Variants in BBS2 observed in about 807,000 individuals in gnomAD.
The protein encoded by BBS2 is Bardet-Biedl syndrome 2.
BBS2 carries 62 observed loss-of-function variants against 83.0 expected under a neutral mutation model. The ratio of observed to expected loss-of-function variants is 0.75; its 90% CI spans 0.61 to 0.92. The LOEUF (loss-of-function observed/expected upper bound fraction) is 0.92. Among genes scored for constraint, BBS2 ranks in the 40% least tolerant of loss-of-function variants. The pLI, the probability that BBS2 is intolerant of heterozygous loss-of-function variation, is 0.00. For missense variants in BBS2, 784 were observed against 901.0 expected (o/e 0.87, Z 1.66); for synonymous variants, 303 against 326.1 (o/e 0.93, Z 0.76).
chr16:56,497,047 G>T lies in BBS2; in HGVS notation c.1830C>A (p.Leu610=). The change falls in exon 15 of 17, where the codon CTC becomes CTA. Residue 610 remains leucine (L), a synonymous_variant. Coordinates refer to ENST00000245157, the MANE Select transcript of BBS2 (RefSeq NM_031885.5). ...VDEYHSVHQK[L]SADMADHSNL... Reference sequence around the variant, plus strand: ...TAGAATGATCAGCCATATCAGCACTGAGCTTCTGATGCACTGAATGATATT... The same window carrying T: ...TAGAATGATCAGCCATATCAGCACTTAGCTTCTGATGCACTGAATGATATT... 1 of 1,613,976 alleles carries T rather than the reference G, an allele frequency of 6.2e-7. No individual in the cohort carries two copies. The highest frequency in any genetic ancestry group is 8.5e-7 in the Non-Finnish European group (1 of 1,179,878).
At chr16:56,500,631 A>G (rs1964242850) in intron 11 of BBS2, 2 of 516,606 alleles carry the variant, frequency 3.9e-6, no homozygotes, top group Middle Eastern at 5.4e-4. Flanking sequence ...TCTCAAAAAA[A>G]AAAAAAAAAA....
At position 56,485,675 on chromosome 16, in the gene BBS2, A is replaced by G. The variant is rs895581773; in HGVS notation, c.1974T>C (p.Tyr658=). 1.2e-6 allele frequency: 2 copies of G among 1,614,014 alleles called. No homozygotes were observed. Among genetic ancestry groups the G allele is most frequent in the Non-Finnish European group, 1.7e-6 (2 of 1,179,874 alleles). ...YDLNRDLLNG[Y]KIRCNNHTEL... is the part of the protein sequence containing the mutation. ...CTGTGTGATTGTTACAGCGAATTTT[A>G]TATCCATTTAGCAAGTCTCTATTAA... is the stretch of plus-strand genomic sequence containing the variant. The change falls in exon 16 of 17, where the codon TAT becomes TAC. Residue 658 remains tyrosine (Y), a synonymous_variant. Coordinates refer to ENST00000245157, the MANE Select transcript of BBS2 (RefSeq NM_031885.5).
chr16:56,491,746 A>AAC (rs1963958205), intron 15 of BBS2, among the ~76,000 whole-genome samples: 1 of 148,122 alleles, frequency 6.8e-6, no homozygotes, highest in African/African-American at 2.5e-5. Context: ...AAAAAAAAAA[A>AAC]CACTAGTAAT....
intron 5 of BBS2, among the ~76,000 whole-genome samples, chr16:56,508,344 G>C (rs1327327248): frequency 1.3e-5 from 2 of 152,170 alleles, no homozygotes; most frequent in African/African-American, 4.8e-5. Context: ...TTCTGATACA[G>C]ACTCCTAAAT....
chr16:56,518,007 G>C (rs1478300693), intron 1 of BBS2, among the ~76,000 whole-genome samples: 3 of 152,024 alleles, frequency 2.0e-5, no homozygotes, highest in African/African-American at 7.3e-5. Flanking sequence ...AGTAGAGACA[G>C]GGTTTCACCA....
intron 15 of BBS2, among the ~76,000 whole-genome samples, chr16:56,488,541 G>A (rs775529920): frequency 4.6e-5 from 7 of 152,196 alleles, no homozygotes; most frequent in African/African-American, 1.2e-4. Context: ...TAGGGAAGGC[G>A]CTTGGAGCTT....
chr16:56,470,696 C>T lies in BBS2; in HGVS notation c.*1-1G>A. The stretch of plus-strand genomic sequence containing the variant: ...GAAGAAGGGACTAGCCATAGTCCTC[C>T]TGAGCCAGAGAATAATCAGATGGCC... On this transcript the variant is annotated splice_acceptor_variant, in intron 17 of 17. Transcript: ENST00000682047. LOFTEE classifies it low-confidence loss of function (3UTR_SPLICE). 1 of 1,614,122 alleles carries T rather than the reference C, an allele frequency of 6.2e-7. No homozygotes were observed. Among genetic ancestry groups the T allele is most frequent in the Non-Finnish European group, 8.5e-7 (1 of 1,180,000 alleles).
At chr16:56,490,642 AAAAT>A (rs1300185955) in intron 15 of BBS2, among the ~76,000 whole-genome samples, 4 of 152,130 alleles carry the variant, frequency 2.6e-5, no homozygotes, top group African/African-American at 7.2e-5. Flanking sequence ...CTCTGTCTCA[AAAAT>A]AAATAAATAA....
At chr16:56,473,369 A>G (rs1040515323) in intron 17 of BBS2, among the ~76,000 whole-genome samples, 6 of 152,234 alleles carry the variant, frequency 3.9e-5, no homozygotes, top group Admixed American at 2.0e-4. Context: ...ATTGGATCAG[A>G]TGACCTTAAC....
chr16:56,471,405 C>T (rs894138976), intron 17 of BBS2, among the ~76,000 whole-genome samples: 2 of 151,162 alleles, frequency 1.3e-5, no homozygotes, highest in African/African-American at 4.9e-5. Context: ...GCCTCTTAGG[C>T]GAATAGATGA....
chr16:56,489,164 C>A (rs920303438), intron 15 of BBS2, among the ~76,000 whole-genome samples: 6 of 151,632 alleles, frequency 4.0e-5, no homozygotes, highest in African/African-American at 1.2e-4. Flanking sequence ...TATAGTGAGA[C>A]CCTGTCTCTA....
intron 15 of BBS2, among the ~76,000 whole-genome samples, chr16:56,494,271 A>C (rs547439094): frequency 6.6e-6 from 1 of 151,912 alleles, no homozygotes; most frequent in South Asian, 2.1e-4. Flanking sequence ...CCCAACCTGA[A>C]GCCATGATTT....
intron 1 of BBS2, chr16:56,519,532 C>T (rs1964856268): frequency 3.5e-6 from 2 of 566,454 alleles, no homozygotes; most frequent in South Asian, 4.2e-5. Context: ...ACTCCAAGTG[C>T]CTGATGACAA....
At chr16:56,513,908 C>T (rs1964652432) in intron 2 of BBS2, among the ~76,000 whole-genome samples, 1 of 152,034 alleles carries the variant, frequency 6.6e-6, no homozygotes, top group South Asian at 2.1e-4. Flanking sequence ...ATATATGACC[C>T]CATTTTACTA....
At chr16:56,500,274 T>C (rs1373434354) in intron 11 of BBS2, 7 of 259,054 alleles carry the variant, frequency 2.7e-5, no homozygotes, top group Admixed American at 1.0e-4. Flanking sequence ...AAACTACAAA[T>C]TGACAAATCA....
intron 9 of BBS2, 153 bp from the exon 10 acceptor site, chr16:56,501,650 CCTCATTAGTGCTCCCTTG>C: frequency 9.4e-7 from 1 of 1,059,838 alleles, no homozygotes; most frequent in Non-Finnish European, 1.4e-6. Flanking sequence ...AGAGAACTCA[CCTCATTAGTGCTCCCTTG>C]CTCTATCTGG....
intron 12 of BBS2, chr16:56,499,415 A>G: frequency 3.0e-6 from 1 of 328,466 alleles, no homozygotes; most frequent in Non-Finnish European, 5.9e-6. Flanking sequence ...GAGTTAACGT[A>G]GCACTTAAAG....
rs1049975222 is a variant in BBS2 at position 56,500,066 on chromosome 16, A to C, written c.1398-159T>G. The stretch of plus-strand genomic sequence containing the variant: ...AAACACTTGAGGGTTAAAGTACTAC[A>C]GTAATATATTAGGTTTGGGATTTAA... On this transcript the variant is annotated intron_variant, in intron 11 of 16. Coordinates refer to ENST00000245157, the MANE Select transcript of BBS2 (RefSeq NM_031885.5). The C allele has an allele frequency of 5.3e-6, 4 of 756,586 alleles. No homozygotes were observed. The Admixed American group carries it at 6.6e-5, about 12-fold the overall frequency. 46.9% of individuals were successfully genotyped at this position (756,586 alleles called of 1,614,324 possible). A position where few individuals can be genotyped will look rare whatever the true frequency, so the allele number is the denominator to read the frequency against.
intron 3 of BBS2, 62 bp downstream of exon 3, chr16:56,511,095 TAA>T: frequency 6.2e-7 from 1 of 1,607,250 alleles, no homozygotes; most frequent in Non-Finnish European, 8.5e-7. Flanking sequence ...AGTTGGTGGT[TAA>T]AAAAGAACAT....
Sources: allele counts gnomAD v4.1 joint callset (sites outside exome capture counted in the v4.1 genomes callset), GRCh38; gene constraint gnomAD v4.1.1; transcripts MANE v1.5; gene names NCBI Gene and HGNC (gene_info 2026-07-23, HGNC 2026-07-21).